Variants in BCL2L1 observed in about 807,000 individuals in gnomAD.
BCL2L1 encodes the protein bcl-2-like protein 1.
In BCL2L1, 1 loss-of-function variant was observed where a neutral mutation model predicts 18.7. That is an observed-to-expected ratio of 0.05 (90% CI 0.02 to 0.25). The LOEUF is 0.25. Ranked by LOEUF, BCL2L1 falls within the 10% of genes least tolerant of loss-of-function variation. The probability of loss-of-function intolerance (pLI) is 1.00; values close to 1 mark genes in which losing one functional copy is unlikely to be tolerated. For synonymous variants in BCL2L1, 103 were observed against 122.7 expected, an observed-to-expected ratio of 0.84 and a Z score of 1.06; for missense variants, 207 against 304.9, an observed-to-expected ratio of 0.68 and a Z score of 2.39.
At chr20:31,710,595 A>C (rs1320627046) in intron 2 of BCL2L1, among the ~76,000 whole-genome samples, 6 of 152,124 alleles carry the variant, frequency 3.9e-5, no homozygotes, top group Non-Finnish European at 1.5e-5. Flanking sequence ...TTGATGATAC[A>C]GGCTGAGGGT....
At chr20:31,712,478 T>C (rs2061469445) in intron 2 of BCL2L1, among the ~76,000 whole-genome samples, 1 of 152,242 alleles carries the variant, frequency 6.6e-6, no homozygotes, top group Non-Finnish European at 1.5e-5. Context: ...TGTTAGATAC[T>C]ATTAATAGTA....
Position 31,720,122 on chromosome 20 carries a change from CCT to C in BCL2L1, c.564+1531_564+1532del, listed in dbSNP as rs780305909. On this transcript the variant is annotated intron_variant, in intron 2 of 2. Transcript: ENST00000307677. ...AAGAGAACCCACCACCTTTACCTCC[CCT>C]GACCCCACCCCAGTTATCTGACCTC... is the stretch of plus-strand genomic sequence containing the variant. 4.4e-4 allele frequency: 431 copies of C among 985,402 alleles called. 1 individual carries two copies. Among genetic ancestry groups the C allele is most frequent in the Non-Finnish European group, 5.0e-4 (415 of 829,918 alleles). The allele number at this position is 985,402 out of a possible 1,614,324, so 61.0% of individuals were successfully genotyped here. A position where few individuals can be genotyped will look rare whatever the true frequency, so the allele number is the denominator to read the frequency against.
chr20:31,719,215 CA>C (rs1237608587), intron 2 of BCL2L1, among the ~76,000 whole-genome samples: 1 of 152,198 alleles, frequency 6.6e-6, no homozygotes, highest in East Asian at 1.9e-4. Flanking sequence ...ACACTGGTTG[CA>C]TAAGTAGAGG....
intron 2 of BCL2L1, among the ~76,000 whole-genome samples, chr20:31,694,619 A>T (rs182927695): frequency 3.9e-5 from 6 of 152,200 alleles, no homozygotes; most frequent in Non-Finnish European, 7.4e-5. Context: ...AGTAATAAGG[A>T]TTAGAGCTAA....
intron 2 of BCL2L1, among the ~76,000 whole-genome samples, chr20:31,697,289 G>C (rs977697359): frequency 6.6e-6 from 1 of 152,076 alleles, no homozygotes; most frequent in Admixed American, 6.6e-5. Context: ...CTTGGGGAAG[G>C]CTTCCTGGAA....
chr20:31,707,778 CAA>C (rs553742099), intron 2 of BCL2L1, among the ~76,000 whole-genome samples: 33 of 60,850 alleles, frequency 5.4e-4, no homozygotes, highest in East Asian at 1.0e-3. Context: ...AACTCTGTCT[CAA>C]AAAAAAAAAA....
intron 2 of BCL2L1, among the ~76,000 whole-genome samples, chr20:31,686,605 C>G (rs535689343): frequency 1.3e-5 from 2 of 152,306 alleles, no homozygotes; most frequent in East Asian, 3.9e-4. Context: ...GTGTCCTACT[C>G]AGGCTTTCTT....
Position 31,665,920 on chromosome 20 carries a change from GGA to G in BCL2L1, c.*27_*28del. 3 of 1,609,120 alleles carry G rather than the reference GGA, an allele frequency of 1.9e-6. No homozygotes were observed. Among genetic ancestry groups the G allele is most frequent in the Non-Finnish European group, 2.5e-6 (3 of 1,177,552 alleles). On this transcript the variant is annotated 3_prime_UTR_variant, in exon 3 of 3. Coordinates refer to ENST00000307677, the MANE Select transcript of BCL2L1 (RefSeq NM_138578.3). ...ATGTGGTGGAGCAGAGAAGGGGGTG[GGA>G]GGGTAGAGTGGATGGTCAGTGTCTG...
chr20:31,666,787 C>T (rs745797743), intron 2 of BCL2L1, among the ~76,000 whole-genome samples: 3 of 152,020 alleles, frequency 2.0e-5, no homozygotes, highest in Non-Finnish European at 4.4e-5. Flanking sequence ...GGCCTTGTCC[C>T]GGACATCCTC....
chr20:31,722,297 A>C lies in BCL2L1; in HGVS notation c.-79T>G, dbSNP rs1482794039. Reference sequence around the variant, plus strand: ...CACTGAGTCTCGTCTCTGGTTAGTGATTCTCTTCTAAGATCCAAAGCCAAG... The same window carrying C: ...CACTGAGTCTCGTCTCTGGTTAGTGCTTCTCTTCTAAGATCCAAAGCCAAG... On this transcript the variant is annotated 5_prime_UTR_variant, in exon 2 of 3. Coordinates refer to ENST00000307677, the MANE Select transcript of BCL2L1 (RefSeq NM_138578.3). 9.1e-7 allele frequency: 1 copy of C among 1,096,302 alleles called. No homozygotes were observed. Among genetic ancestry groups the C allele is most frequent in the African/African-American group, 1.6e-5 (1 of 63,530 alleles). 67.9% of individuals were successfully genotyped at this position (1,096,302 alleles called of 1,614,324 possible). A position where few individuals can be genotyped will look rare whatever the true frequency, so the allele number is the denominator to read the frequency against.
At chr20:31,687,602 G>A (rs1195118615) in intron 2 of BCL2L1, among the ~76,000 whole-genome samples, 2 of 150,920 alleles carry the variant, frequency 1.3e-5, no homozygotes, top group African/African-American at 2.4e-5. Flanking sequence ...GCTTGAACCC[G>A]GGAGTCGGAG....
rs1283704512 is a variant in BCL2L1 at position 31,690,826 on chromosome 20, A to C, written c.565-24740T>G. Among the ~76,000 whole-genome samples the C allele has an allele frequency of 2.0e-5, 3 of 152,110 alleles. No individual in the cohort carries two copies. In the East Asian group the frequency reaches 5.8e-4, roughly 29 times the overall value. On this transcript the variant is annotated intron_variant, in intron 2 of 2. Transcript: ENST00000307677. ...GGAAAAAAAGCCCCAACTTTTTCCCAAAGAGGGTACCTTTGTTCATTATGA... is the reference window on the plus strand; with the variant it reads ...GGAAAAAAAGCCCCAACTTTTTCCCCAAGAGGGTACCTTTGTTCATTATGA...
At chr20:31,672,530 G>A (rs1255187177) in intron 2 of BCL2L1, among the ~76,000 whole-genome samples, 1 of 152,098 alleles carries the variant, frequency 6.6e-6, no homozygotes, top group Non-Finnish European at 1.5e-5. Context: ...GGGAGGGAGA[G>A]GAGGGGTGTT....
At chr20:31,718,494 A>T (rs1030254976) in intron 2 of BCL2L1, among the ~76,000 whole-genome samples, 1 of 152,060 alleles carries the variant, frequency 6.6e-6, no homozygotes, top group Non-Finnish European at 1.5e-5. Context: ...CATCTCTACT[A>T]AAAATACAAA....
At chr20:31,720,912 A>G (rs773590683) in intron 2 of BCL2L1, 223 of 985,256 alleles carry the variant, frequency 2.3e-4, no homozygotes, top group Non-Finnish European at 2.5e-4. Context: ...GAGCTCCCCA[A>G]CCGACCCCAG....
intron 2 of BCL2L1, among the ~76,000 whole-genome samples, chr20:31,667,297 C>T (rs965614736): frequency 6.6e-6 from 1 of 152,006 alleles, no homozygotes; most frequent in Non-Finnish European, 1.5e-5. Context: ...CCTGTCTCTA[C>T]TAAAAATACA....
At chr20:31,677,436 G>A (rs945703519) in intron 2 of BCL2L1, among the ~76,000 whole-genome samples, 1 of 151,942 alleles carries the variant, frequency 6.6e-6, no homozygotes, top group African/African-American at 2.4e-5. Flanking sequence ...CACCCACCTC[G>A]GCCCCCCAAA....
chr20:31,710,347 A>T (rs935026924), intron 2 of BCL2L1, among the ~76,000 whole-genome samples: 3 of 152,232 alleles, frequency 2.0e-5, no homozygotes, highest in Non-Finnish European at 4.4e-5. Context: ...ATACAGGCAG[A>T]GGAAAAACAG....
At chr20:31,672,196 G>A (rs1267462058) in intron 2 of BCL2L1, among the ~76,000 whole-genome samples, 2 of 152,010 alleles carry the variant, frequency 1.3e-5, no homozygotes, top group African/African-American at 4.8e-5. Context: ...CGGGCACAAT[G>A]ACTCATACCT....
Sources: gnomAD v4.1 joint callset for allele counts (sites outside exome capture counted in the v4.1 genomes callset) on GRCh38, gnomAD v4.1.1 for gene constraint, MANE v1.5 for transcripts, NCBI Gene and HGNC (gene_info 2026-07-23, HGNC 2026-07-21) for gene names.